STEAP3: variants seen among roughly 807,000 people sequenced by gnomAD.
STEAP3 encodes metalloreductase STEAP3.
In STEAP3, 35 loss-of-function variants were observed where a neutral mutation model predicts 34.9. The ratio of observed to expected loss-of-function variants is 1.00; its 90% CI spans 0.76 to 1.33. The LOEUF (loss-of-function observed/expected upper bound fraction) is 1.33. Among genes scored for constraint, STEAP3 ranks in the 40% most tolerant of loss-of-function variants. STEAP3 has a pLI of 0.00. For synonymous variants in STEAP3, 281 were observed against 301.6 expected (o/e 0.93, Z 0.71); for missense variants, 652 against 667.6 (o/e 0.98, Z 0.26).
At chr2:119,233,395 C>T (rs1333908544) in intron 2 of STEAP3, among the ~76,000 whole-genome samples, 3 of 152,160 alleles carry the variant, frequency 2.0e-5, no homozygotes, top group African/African-American at 7.2e-5. Context: ...TATCAAATAG[C>T]GAAATGCTTG....
At chr2:119,228,354 A>G (rs973343868) in intron 1 of STEAP3, among the ~76,000 whole-genome samples, 1 of 152,172 alleles carries the variant, frequency 6.6e-6, no homozygotes, top group African/African-American at 2.4e-5. Flanking sequence ...GCTTGCTGGC[A>G]TCCAGGGGGG....
rs1270878550 is a variant in STEAP3, at chr2:119,231,130, G to A, written c.22+96G>A. 13 of 1,543,216 alleles carry A rather than the reference G, an allele frequency of 8.4e-6. No individual in the cohort carries two copies. In the South Asian group the frequency reaches 1.0e-4, roughly 12 times the overall value. On this transcript the variant is annotated intron_variant, in intron 2 of 5. Coordinates refer to ENST00000393110, the MANE Select transcript of STEAP3 (RefSeq NM_182915.3). ...CCACCTGACCCCTGCCCTGCTGGAG[G>A]GTGCCCCTTGAATCTCCAGGAGGTC... is the stretch of plus-strand genomic sequence containing the variant.
chr2:119,241,737 A>G (rs1487825133), intron 2 of STEAP3, among the ~76,000 whole-genome samples: 2 of 152,190 alleles, frequency 1.3e-5, no homozygotes, highest in Non-Finnish European at 2.9e-5. Context: ...AAGGGAGCAG[A>G]TGCCAAGTCA....
At chr2:119,243,685 G>A (rs555946281) in intron 2 of STEAP3, among the ~76,000 whole-genome samples, 1 of 152,360 alleles carries the variant, frequency 6.6e-6, no homozygotes, top group East Asian at 1.9e-4. Flanking sequence ...AACCTCTTAA[G>A]ATTGCATGAT....
chr2:119,255,085 A>T (rs2104840008), intron 5 of STEAP3, among the ~76,000 whole-genome samples: 1 of 152,318 alleles, frequency 6.6e-6, no homozygotes, highest in Admixed American at 6.5e-5. Context: ...ATGTGAAAAA[A>T]TTACAGACCA....
chr2:119,240,330 G>A (rs1435674586), intron 2 of STEAP3, among the ~76,000 whole-genome samples: 3 of 152,264 alleles, frequency 2.0e-5, no homozygotes, highest in East Asian at 1.9e-4. Flanking sequence ...GGAGGCGTGC[G>A]AGGCACCCCG....
rs1230507721 is a variant in STEAP3, at chr2:119,248,116, C to T, written c.960C>T (p.Phe320=). The change falls in exon 4 of 6, where the codon TTC becomes TTT. Residue 320 remains phenylalanine (F), a synonymous_variant. Transcript: ENST00000393110. ...QHRKQIGLLS[F]FCAALHALYS... ...GCAAGCAGATCGGGCTGCTCAGCTT[C>T]TTCTGCGCCGCCCTGCACGCCCTCT... 7 of 1,608,784 alleles carry T rather than the reference C, an allele frequency of 4.4e-6. No homozygotes were observed. The highest frequency in any genetic ancestry group is 2.2e-5 in the East Asian group (1 of 44,872).
At chr2:119,259,442 G>A (rs1376299429) in intron 5 of STEAP3, among the ~76,000 whole-genome samples, 1 of 152,194 alleles carries the variant, frequency 6.6e-6, no homozygotes, top group Non-Finnish European at 1.5e-5. Context: ...AAAGTCAAAG[G>A]CCCTTTGTTA....
intron 4 of STEAP3, among the ~76,000 whole-genome samples, chr2:119,250,722 C>A (rs1306220248): frequency 6.6e-6 from 1 of 152,144 alleles, no homozygotes; most frequent in Non-Finnish European, 1.5e-5. Context: ...TGTCTAAATT[C>A]TCTGCCCTGC....
At chr2:119,224,917 C>T (rs543601173) in intron 1 of STEAP3, among the ~76,000 whole-genome samples, 4 of 152,158 alleles carry the variant, frequency 2.6e-5, no homozygotes, top group East Asian at 3.9e-4. Context: ...AGAGAGTCCA[C>T]GTATTTTGCA....
chr2:119,249,440 G>C (rs114504402), intron 4 of STEAP3, among the ~76,000 whole-genome samples: 2 of 151,982 alleles, frequency 1.3e-5, no homozygotes, highest in African/African-American at 4.8e-5. Context: ...GCCCAGCCCC[G>C]GGGCTGGTTG....
At chr2:119,224,129 T>C (rs1181622723) in intron 1 of STEAP3, among the ~76,000 whole-genome samples, 1 of 152,112 alleles carries the variant, frequency 6.6e-6, no homozygotes, top group Non-Finnish European at 1.5e-5. Context: ...GCCGCGCAGG[T>C]TAGGCAGGGC....
intron 2 of STEAP3, among the ~76,000 whole-genome samples, chr2:119,237,513 T>A (rs1318069075): frequency 6.6e-6 from 1 of 152,176 alleles, no homozygotes; most frequent in Non-Finnish European, 1.5e-5. Flanking sequence ...ACACCTCTTA[T>A]TAGGTGCACC....
rs1573559161 is a variant in STEAP3 at position 119,245,777 on chromosome 2, A to G, written c.311A>G (p.Glu104Gly). Residue 104 changes from glutamate to glycine, a missense_variant, in exon 3 of 6, where the codon GAG (glutamate) becomes GGG (glycine). Transcript: ENST00000393110. ...PEVIFVAVFR[E>G]HYSSLCSLSD... Reference sequence around the variant, plus strand: ...GTCATCTTTGTGGCTGTGTTCCGGGAGCACTACTCTTCACTGTGCAGTCTC... The same window carrying G: ...GTCATCTTTGTGGCTGTGTTCCGGGGGCACTACTCTTCACTGTGCAGTCTC... The G allele has an allele frequency of 2.8e-5, 45 of 1,614,008 alleles. No individual in the cohort carries two copies. Among genetic ancestry groups the G allele is most frequent in the Non-Finnish European group, 3.7e-5 (44 of 1,180,026 alleles).
At chr2:119,261,848 G>A (rs1435448265) in intron 5 of STEAP3, among the ~76,000 whole-genome samples, 1 of 152,280 alleles carries the variant, frequency 6.6e-6, no homozygotes, top group East Asian at 1.9e-4. Context: ...AGCCACTCTC[G>A]GCTGGAAGTG....
chr2:119,248,098 G>T lies in STEAP3; in HGVS notation c.942G>T (p.Gln314His). Residue 314 changes from glutamine to histidine, a missense_variant, in exon 4 of 6, where the codon CAG becomes CAT. Coordinates refer to ENST00000393110, the MANE Select transcript of STEAP3 (RefSeq NM_182915.3). ...ACCACTGGCTACAGCACCGCAAGCA[G>T]ATCGGGCTGCTCAGCTTCTTCTGCG... ...WLDHWLQHRKQIGLLSFFCAA... is the reference protein window; with the variant it reads ...WLDHWLQHRKHIGLLSFFCAA... The T allele has an allele frequency of 6.2e-7, 1 of 1,608,604 alleles. No individual in the cohort carries two copies.
intron 5 of STEAP3, among the ~76,000 whole-genome samples, chr2:119,260,219 A>G (rs1677898671): frequency 6.6e-6 from 1 of 151,984 alleles, no homozygotes; most frequent in Non-Finnish European, 1.5e-5. Context: ...ATAAGTCCAC[A>G]ATGAGGAGGG....
chr2:119,234,359 G>T (rs1347353626), intron 2 of STEAP3, among the ~76,000 whole-genome samples: 7 of 152,326 alleles, frequency 4.6e-5, no homozygotes, highest in African/African-American at 1.4e-4. Flanking sequence ...AGACGCTGAG[G>T]CTGCAGATTC....
chr2:119,245,432 G>A, intron 2 of STEAP3, 57 bp from the exon 3 acceptor site: 1 of 1,520,166 alleles, frequency 6.6e-7, no homozygotes, highest in Non-Finnish European at 8.8e-7. Context: ...GGAGGGAGGT[G>A]GCAGAAGGGG....
Sources: gnomAD v4.1 joint callset for allele counts (sites outside exome capture counted in the v4.1 genomes callset) on GRCh38, gnomAD v4.1.1 for gene constraint, MANE v1.5 for transcripts, NCBI Gene and HGNC (gene_info 2026-07-23, HGNC 2026-07-21) for gene names.